TARS2: variants seen among roughly 807,000 people sequenced by gnomAD.
TARS2 encodes threonyl-tRNA synthetase 2, mitochondrial.
A neutral mutation model predicts 94.4 loss-of-function variants in TARS2; 61 were observed. That is an observed-to-expected ratio of 0.65 (90% CI 0.53 to 0.80). TARS2 has a LOEUF of 0.80. Among genes scored for constraint, TARS2 ranks in the 30% least tolerant of loss-of-function variants. The pLI is 0.00. For missense variants in TARS2, 704 were observed against 902.5 expected (o/e 0.78, Z 2.82); for synonymous variants, 359 against 353.4 (o/e 1.02, Z -0.18).
In TARS2 at chr1:150,497,524, C is replaced by T. The variant is rs1669717253; in HGVS notation, c.1021-6C>T. On this transcript the variant is annotated splice_polypyrimidine_tract_variant and splice_region_variant and intron_variant, in intron 9 of 17. Transcript: ENST00000369064. ...TGACCTTCCATGTCTGTACCCTCCT[C>T]TCCAGGCTGAGTATGCCCATCGTGG... The T allele has an allele frequency of 3.7e-6, 6 of 1,613,710 alleles. No individual in the cohort carries two copies. Among genetic ancestry groups the T allele is most frequent in the Non-Finnish European group, 5.1e-6 (6 of 1,179,926 alleles).
chr1:150,501,048 C>T lies in TARS2; in HGVS notation c.1617+1755C>T, dbSNP rs587741561. Among the ~76,000 whole-genome samples, 5 of 152,128 alleles carry T rather than the reference C, an allele frequency of 3.3e-5. No homozygotes were observed. The East Asian group carries it at 5.8e-4, about 18-fold the overall frequency. On this transcript the variant is annotated intron_variant, in intron 13 of 17. Transcript: ENST00000369064. ...ATGGTAACAGGAAGTTGAGGCTCTTCCCATCCCATGGTATCAATTATCTGA... is the reference window on the plus strand; with the variant it reads ...ATGGTAACAGGAAGTTGAGGCTCTTTCCATCCCATGGTATCAATTATCTGA...
At chr1:150,489,913 G>A (rs892449222) in intron 3 of TARS2, among the ~76,000 whole-genome samples, 2 of 151,994 alleles carry the variant, frequency 1.3e-5, no homozygotes, top group Non-Finnish European at 2.9e-5. Flanking sequence ...TTGCACTCTA[G>A]CCTGGGCGAC....
At chr1:150,498,469 T>TAAAAA in intron 10 of TARS2, 33 bp from the exon 11 acceptor site, 4 of 1,533,436 alleles carry the variant, frequency 2.6e-6, no homozygotes, top group Admixed American at 2.3e-5. Flanking sequence ...TAGTCCTCCC[T>TAAAAA]ATGGCCCTGA....
chr1:150,490,458 A>C (rs1319859623), intron 3 of TARS2, 143 bp from the exon 4 acceptor site: 5 of 1,319,890 alleles, frequency 3.8e-6, no homozygotes, highest in East Asian at 5.0e-5. Flanking sequence ...GTCACCCCCA[A>C]AATCTAGGAT....
intron 13 of TARS2, among the ~76,000 whole-genome samples, 189 bp from the exon 14 acceptor site, chr1:150,504,146 G>A (rs1670089267): frequency 6.6e-6 from 1 of 152,156 alleles, no homozygotes; most frequent in Non-Finnish European, 1.5e-5. Context: ...GAGCTGCTGA[G>A]AACTACTGCC....
At chr1:150,493,862 A>C (rs587755448) in intron 7 of TARS2, among the ~76,000 whole-genome samples, 1 of 150,250 alleles carries the variant, frequency 6.7e-6, no homozygotes, top group East Asian at 2.0e-4. Context: ...TAGAGCAAAA[A>C]GCTCTGAACT....
Position 150,501,334 on chromosome 1 carries a change from T to TTCC in TARS2, c.1617+2042_1617+2043insCCT, listed in dbSNP as rs1553905147. ...TTTTTTTTTTTTTTTTTTTTTTTTATTGAGACTATGTCTCGCTCTGCTGCC... is the reference window on the plus strand; with the variant it reads ...TTTTTTTTTTTTTTTTTTTTTTTTATTCCTGAGACTATGTCTCGCTCTGCTGCC... On this transcript the variant is annotated intron_variant, in intron 13 of 17. Transcript: ENST00000369064. 2.1e-4 allele frequency among the ~76,000 whole-genome samples: 21 copies of TTCC among 98,664 alleles called. 2 individuals are homozygous for TTCC. Among genetic ancestry groups the TTCC allele is most frequent in the African/African-American group, 4.2e-4 (10 of 23,756 alleles). The allele number at this position is 98,664 out of a possible 152,430, so 64.7% of individuals were successfully genotyped here. A position where few individuals can be genotyped will look rare whatever the true frequency, so the allele number is the denominator to read the frequency against.
At chr1:150,488,199 T>A in intron 2 of TARS2, 145 bp downstream of exon 2, 2 of 998,206 alleles carry the variant, frequency 2.0e-6, no homozygotes, top group Non-Finnish European at 2.9e-6. Context: ...GTTTTTGTTT[T>A]TTGTTGTTGT....
At chr1:150,498,777 ATTCTACCCCCAGCTTGC>A in intron 11 of TARS2, 103 bp from the exon 12 acceptor site, 1 of 1,607,466 alleles carries the variant, frequency 6.2e-7, no homozygotes. Flanking sequence ...ATTCAGCTAC[ATTCTACCCCCAGCTTGC>A]TTCCGCTTCC....
In TARS2 at chr1:150,490,114, C is replaced by CTTTTTT. The variant is rs772454527; in HGVS notation, c.388-470_388-465dup. On this transcript the variant is annotated intron_variant, in intron 3 of 17. Transcript: ENST00000369064. The stretch of plus-strand genomic sequence containing the variant: ...TGGCCTTCTTTCTTTTCTATTCAGT[C>CTTTTTT]TTTTTTTTTTTTTTTTTTTTTTGAG... Among the ~76,000 whole-genome samples the CTTTTTT allele has an allele frequency of 4.1e-3, 329 of 80,188 alleles. 16 individuals are homozygous for CTTTTTT. Among genetic ancestry groups the CTTTTTT allele is most frequent in the African/African-American group, 6.5e-3 (125 of 19,188 alleles). The allele number at this position is 80,188 out of a possible 152,430, so 52.6% of individuals were successfully genotyped here.
Position 150,491,619 on chromosome 1 carries a change from T to A in TARS2, c.652T>A (p.Leu218Met), listed in dbSNP as rs779978077. 1 of 1,614,072 alleles carries A rather than the reference T, an allele frequency of 6.2e-7. No individual in the cohort carries two copies. The highest frequency in any genetic ancestry group is 2.2e-5 in the East Asian group (1 of 44,882). Residue 218 changes from leucine to methionine, a missense_variant, in exon 6 of 18, where the codon TTG (leucine) becomes ATG (methionine). This residue lies in a region of TARS2 where 30 missense variants were observed against 64.5 expected (regional missense o/e 0.47). Transcript: ENST00000369064. The part of the protein sequence containing the change: ...LFKDNPFKLH[L>M]IEEKVTGPTA... ...CCAGGATAACCCCTTTAAGCTTCAC[T>A]TGATTGAGGAGAAAGTGACAGGTCC...
chr1:150,495,040 G>A (rs1288583877), intron 7 of TARS2, among the ~76,000 whole-genome samples: 4 of 152,070 alleles, frequency 2.6e-5, no homozygotes, highest in Non-Finnish European at 5.9e-5. Flanking sequence ...TTAGCTGGGC[G>A]AGGTGGCGGG....
chr1:150,491,380 TCTC>T lies in TARS2; in HGVS notation c.513-10_513-8del, dbSNP rs587648372. ...CCTCATAGGATGCAACCCAACCAAT[TCTC>T]CTCTTTCCAGGACAATCCGGGGCTC... On this transcript the variant is annotated splice_polypyrimidine_tract_variant and intron_variant, in intron 4 of 17. Transcript: ENST00000369064. 9.0e-4 allele frequency: 1,449 copies of T among 1,612,228 alleles called. 7 individuals are homozygous for T. Among genetic ancestry groups the T allele is most frequent in the South Asian group, 3.9e-3 (357 of 90,998 alleles).
At chr1:150,496,071 G>T (rs4970972) in intron 7 of TARS2, among the ~76,000 whole-genome samples, 6,432 of 152,240 alleles carry the variant, frequency 0.042, 179 homozygotes, top group Middle Eastern at 0.075. Flanking sequence ...ATTTCATGTG[G>T]CCAGGAATGG....
chr1:150,497,435 C>T (rs760647499), intron 9 of TARS2, 95 bp from the exon 10 acceptor site: 403 of 1,194,118 alleles, frequency 3.4e-4, no homozygotes, highest in Non-Finnish European at 4.7e-4. Flanking sequence ...TTGCAATCAG[C>T]ATGGCCTGAG....
At chr1:150,491,577 C>T (rs1240012234) in intron 5 of TARS2, 21 bp from the exon 6 acceptor site, 3 of 1,614,052 alleles carry the variant, frequency 1.9e-6, no homozygotes, top group African/African-American at 2.7e-5. Flanking sequence ...TTTCTTCAAT[C>T]TCCCTTCTAC....
intron 13 of TARS2, among the ~76,000 whole-genome samples, chr1:150,503,537 A>G (rs1034267974): frequency 6.9e-6 from 1 of 144,420 alleles, no homozygotes; most frequent in African/African-American, 2.5e-5. Context: ...AAAAAAAAAA[A>G]TACACATATG....
intron 7 of TARS2, among the ~76,000 whole-genome samples, chr1:150,492,769 T>G (rs1451666338): frequency 7.4e-6 from 1 of 134,856 alleles, no homozygotes; most frequent in Non-Finnish European, 1.5e-5. Context: ...GAGACTGCAC[T>G]ACTGCACTCC....
chr1:150,503,722 C>A (rs1670068187), intron 13 of TARS2, among the ~76,000 whole-genome samples: 1 of 149,656 alleles, frequency 6.7e-6, no homozygotes, highest in Admixed American at 6.7e-5. Context: ...CACACACACA[C>A]ACACATATAC....
Sources: allele counts gnomAD v4.1 joint callset (sites outside exome capture counted in the v4.1 genomes callset), GRCh38; gene constraint gnomAD v4.1.1; regional missense constraint gnomAD v4.1.1; transcripts MANE v1.5; gene names NCBI Gene and HGNC (gene_info 2026-07-23, HGNC 2026-07-21).